The following CHRM3 variants were observed in gnomAD, a reference collection of about 807,000 sequenced individuals.
CHRM3 encodes the protein cholinergic receptor muscarinic 3, also known as muscarinic acetylcholine receptor M3.
A neutral mutation model predicts 41.8 loss-of-function variants in CHRM3; 11 were observed. The observed-to-expected ratio is 0.26, with a 90% CI of 0.17 to 0.44. The LOEUF (loss-of-function observed/expected upper bound fraction) is 0.44, where lower values mean the gene tolerates loss of function less well. Among genes scored for constraint, CHRM3 ranks in the 20% least tolerant of loss-of-function variants. The pLI, the probability that CHRM3 is intolerant of heterozygous loss-of-function variation, is 1.00. For synonymous variants in CHRM3, 297 were observed against 301.4 expected (o/e 0.99, Z 0.15); for missense variants, 571 against 745.4 (o/e 0.77, Z 2.72).
At chr1:239,609,284 C>A (rs1666721978) in intron 3 of CHRM3, among the ~76,000 whole-genome samples, 2 of 152,126 alleles carry the variant, frequency 1.3e-5, no homozygotes, top group African/African-American at 4.8e-5. Context: ...TTTCACTCAG[C>A]AAAATTATTT....
intron 5 of CHRM3, among the ~76,000 whole-genome samples, chr1:239,825,503 G>C (rs899791118): frequency 6.6e-6 from 1 of 152,172 alleles, no homozygotes; most frequent in African/African-American, 2.4e-5. Context: ...TTCTCGTGGT[G>C]TATGTATGTT....
At chr1:239,573,772 A>G (rs1169745108) in intron 3 of CHRM3, among the ~76,000 whole-genome samples, 3 of 152,108 alleles carry the variant, frequency 2.0e-5, no homozygotes, top group Non-Finnish European at 4.4e-5. Flanking sequence ...TTGTGTGTAT[A>G]TATAGTATAA....
intron 1 of CHRM3, among the ~76,000 whole-genome samples, chr1:239,412,566 G>A (rs989867595): frequency 1.3e-5 from 2 of 151,050 alleles, no homozygotes; most frequent in African/African-American, 4.9e-5. Flanking sequence ...CTGGTTATCA[G>A]GAAGATGAAA....
chr1:239,520,402 GT>G (rs1482037061), intron 2 of CHRM3, among the ~76,000 whole-genome samples: 2 of 152,092 alleles, frequency 1.3e-5, no homozygotes, highest in Non-Finnish European at 2.9e-5. Context: ...CCTTGGTGCT[GT>G]CCTGGTGATA....
intron 6 of CHRM3, among the ~76,000 whole-genome samples, chr1:239,875,700 GC>G (rs1381204406): frequency 2.4e-4 from 37 of 152,224 alleles, no homozygotes; most frequent in Non-Finnish European, 4.3e-4. Flanking sequence ...CATTCATTTT[GC>G]CCCACATTGT....
chr1:239,481,037 A>G (rs1164326952), intron 1 of CHRM3, among the ~76,000 whole-genome samples: 1 of 152,232 alleles, frequency 6.6e-6, no homozygotes, highest in African/African-American at 2.4e-5. Context: ...GATTTTATGT[A>G]TAGGAAACTT....
chr1:239,749,292 TATA>T (rs1381262672), intron 5 of CHRM3, among the ~76,000 whole-genome samples: 1 of 152,112 alleles, frequency 6.6e-6, no homozygotes, highest in African/African-American at 2.4e-5. Flanking sequence ...TATGCTTGGG[TATA>T]ATATTTCAGA....
chr1:239,907,544 G>A lies in CHRM3; in HGVS notation c.93G>A (p.Pro31=), dbSNP rs771480057. 30 of 1,613,970 alleles carry A rather than the reference G, an allele frequency of 1.9e-5. No homozygotes were observed. Among genetic ancestry groups the A allele is most frequent in the East Asian group, 2.2e-5 (1 of 44,880 alleles). ...GCCCCTCCGATGCAGGGCTGCCCCC[G>A]GGAACCGTCACTCATTTCGGCAGCT... ...IHSPSDAGLP[P]GTVTHFGSYN... The change falls in exon 7 of 7, where the codon CCG becomes CCA. Residue 31 remains proline (P), a synonymous_variant. Transcript: ENST00000676153. The surrounding 1 kb of genome is among the most constrained non-coding windows in gnomAD (Gnocchi z 5.4).
chr1:239,670,456 T>C (rs1274297866), intron 4 of CHRM3, among the ~76,000 whole-genome samples: 1 of 152,174 alleles, frequency 6.6e-6, no homozygotes, highest in Non-Finnish European at 1.5e-5. Flanking sequence ...TAAGATTCCA[T>C]TGCATGACAG....
At chr1:239,635,965 CAG>C (rs753388928) in intron 4 of CHRM3, among the ~76,000 whole-genome samples, 3 of 151,972 alleles carry the variant, frequency 2.0e-5, no homozygotes, top group Non-Finnish European at 2.9e-5. Context: ...AAAAAGAAAA[CAG>C]AGAAAAAGAT....
chr1:239,483,594 T>A (rs994081959), intron 1 of CHRM3, among the ~76,000 whole-genome samples: 1 of 152,198 alleles, frequency 6.6e-6, no homozygotes, highest in Non-Finnish European at 1.5e-5. Context: ...TTGACATCTT[T>A]TTTTCTTTTT....
intron 6 of CHRM3, among the ~76,000 whole-genome samples, chr1:239,842,113 C>G (rs533050601): frequency 6.6e-6 from 1 of 152,056 alleles, no homozygotes; most frequent in East Asian, 1.9e-4. Flanking sequence ...TATAACAAAA[C>G]TAGAAATTGA....
chr1:239,686,204 A>G (rs1189761199), intron 5 of CHRM3, among the ~76,000 whole-genome samples: 2 of 152,118 alleles, frequency 1.3e-5, no homozygotes, highest in Admixed American at 6.5e-5. Flanking sequence ...GTTACTCACT[A>G]CCTTAAAAAC....
At chr1:239,637,277 T>C (rs1573053039) in intron 4 of CHRM3, among the ~76,000 whole-genome samples, 1 of 152,262 alleles carries the variant, frequency 6.6e-6, no homozygotes. Context: ...AACACCATTA[T>C]GTTTATATGC....
intron 1 of CHRM3, among the ~76,000 whole-genome samples, chr1:239,485,950 T>C (rs1223138934): frequency 6.6e-6 from 1 of 152,212 alleles, no homozygotes; most frequent in Admixed American, 6.5e-5. Flanking sequence ...AAATTAGTTT[T>C]CCCTTTCTGT....
intron 5 of CHRM3, among the ~76,000 whole-genome samples, chr1:239,819,738 T>C (rs894714360): frequency 6.6e-6 from 1 of 152,112 alleles, no homozygotes. Flanking sequence ...TAAATCAAAA[T>C]GAGATCCTTT....
intron 4 of CHRM3, among the ~76,000 whole-genome samples, chr1:239,649,864 C>A (rs1672078378): frequency 6.6e-6 from 1 of 152,156 alleles, no homozygotes; most frequent in Non-Finnish European, 1.5e-5. Context: ...TTATTATTTC[C>A]TTTTCCTAAC....
At chr1:239,780,100 G>A (rs1207854967) in intron 5 of CHRM3, among the ~76,000 whole-genome samples, 2 of 152,156 alleles carry the variant, frequency 1.3e-5, no homozygotes, top group African/African-American at 4.8e-5. Flanking sequence ...TTCATGTGTA[G>A]GCTTTTGTGT....
In CHRM3 at chr1:239,911,573, A is replaced by G. The variant is rs1680370445; in HGVS notation, c.*2349A>G. The G allele has an allele frequency of 6.0e-6, 1 of 166,960 alleles. No homozygotes were observed. The highest frequency in any genetic ancestry group is 2.1e-4 in the South Asian group (1 of 4,832). The allele number at this position is 166,960 out of a possible 1,614,324, so 10.3% of individuals were successfully genotyped here. The stretch of plus-strand genomic sequence containing the variant: ...AAAAAAAAAAAAGAAATAGAATTAA[A>G]TTTGAGAAAAGGAGAAACCCTGAAA... On this transcript the variant is annotated 3_prime_UTR_variant, in exon 7 of 7. Transcript: ENST00000676153.
Sources: allele counts gnomAD v4.1 joint callset (sites outside exome capture counted in the v4.1 genomes callset), GRCh38; gene constraint gnomAD v4.1.1; non-coding constraint Gnocchi (gnomAD v3.1); transcripts MANE v1.5; gene names NCBI Gene and HGNC (gene_info 2026-07-23, HGNC 2026-07-21).